The following RNFT2 variants were observed in gnomAD, a reference collection of about 807,000 sequenced individuals.
The protein encoded by RNFT2 is E3 ubiquitin-protein ligase RNFT2.
In RNFT2, 36 loss-of-function variants were observed where a neutral mutation model predicts 53.0. The ratio of observed to expected loss-of-function variants is 0.68; its 90% CI spans 0.52 to 0.90. The LOEUF is 0.90. Among genes scored for constraint, RNFT2 ranks in the 40% least tolerant of loss-of-function variants. The pLI, the probability that RNFT2 is intolerant of heterozygous loss-of-function variation, is 0.00. For missense variants in RNFT2, 514 were observed against 585.6 expected, an observed-to-expected ratio of 0.88 and a Z score of 1.26; for synonymous variants, 260 against 253.2, an observed-to-expected ratio of 1.03 and a Z score of -0.26.
chr12:116,743,238 A>C lies in RNFT2; in HGVS notation c.83+2144A>C, dbSNP rs1238277481. Among the ~76,000 whole-genome samples, 52 of 114,290 alleles carry C rather than the reference A, an allele frequency of 4.5e-4. 5 individuals are homozygous for C. The highest frequency in any genetic ancestry group is 1.6e-3 in the African/African-American group (50 of 31,524). The allele number at this position is 114,290 out of a possible 152,430, so 75.0% of individuals were successfully genotyped here. A position where few individuals can be genotyped will look rare whatever the true frequency, so the allele number is the denominator to read the frequency against. Reference sequence around the variant, plus strand: ...TAAAAAAAAAAAAAAAAAAAAAAAAAAAAAAACCGGTTAAAAAACACTCAT... The same window carrying C: ...TAAAAAAAAAAAAAAAAAAAAAAAACAAAAAACCGGTTAAAAAACACTCAT... On this transcript the variant is annotated intron_variant, in intron 3 of 10. Transcript: ENST00000257575.
intron 10 of RNFT2, among the ~76,000 whole-genome samples, chr12:116,845,626 G>A (rs1445262940): frequency 6.6e-6 from 1 of 152,170 alleles, no homozygotes; most frequent in Non-Finnish European, 1.5e-5. Flanking sequence ...AGTTACTCCA[G>A]GGTGTGAGGA....
chr12:116,777,938 A>G (rs1458881716), intron 6 of RNFT2, among the ~76,000 whole-genome samples: 1 of 152,076 alleles, frequency 6.6e-6, no homozygotes, highest in African/African-American at 2.4e-5. Context: ...TCAGTGCCTT[A>G]TTTATAAACT....
intron 6 of RNFT2, 21 bp from the exon 7 acceptor site, chr12:116,779,174 C>A: frequency 6.2e-7 from 1 of 1,613,756 alleles, no homozygotes; most frequent in Non-Finnish European, 8.5e-7. Flanking sequence ...AACCTTCTGA[C>A]TCTCTCAATC....
At chr12:116,767,019 T>C in intron 6 of RNFT2, 105 bp downstream of exon 6, 1 of 730,928 alleles carries the variant, frequency 1.4e-6, no homozygotes, top group Non-Finnish European at 2.3e-6. Flanking sequence ...CTATGTCATG[T>C]TGTAACTTCC....
chr12:116,826,384 G>A (rs748456401), intron 7 of RNFT2, among the ~76,000 whole-genome samples: 3 of 152,130 alleles, frequency 2.0e-5, no homozygotes, highest in Non-Finnish European at 4.4e-5. Context: ...TCCCCTTCAC[G>A]GTGGCAGGGA....
At chr12:116,792,092 C>G (rs1410946372) in intron 7 of RNFT2, among the ~76,000 whole-genome samples, 1 of 152,144 alleles carries the variant, frequency 6.6e-6, no homozygotes, top group Non-Finnish European at 1.5e-5. Context: ...CTCTGTTGCT[C>G]AAGCTGGAGT....
At chr12:116,799,280 T>C (rs1213126895) in intron 7 of RNFT2, among the ~76,000 whole-genome samples, 1 of 152,204 alleles carries the variant, frequency 6.6e-6, no homozygotes, top group Non-Finnish European at 1.5e-5. Flanking sequence ...TTTCTCTGAC[T>C]TCCTTTTCCC....
chr12:116,792,881 A>G (rs1299923058), intron 7 of RNFT2, among the ~76,000 whole-genome samples: 1 of 151,980 alleles, frequency 6.6e-6, no homozygotes. Context: ...TTAATATTAT[A>G]ATTATTATAT....
intron 5 of RNFT2, among the ~76,000 whole-genome samples, chr12:116,761,960 A>C (rs1156542236): frequency 6.6e-6 from 1 of 151,780 alleles, no homozygotes; most frequent in Non-Finnish European, 1.5e-5. Flanking sequence ...CCAACTACTC[A>C]GAAGGCTGAG....
intron 3 of RNFT2, among the ~76,000 whole-genome samples, chr12:116,745,163 A>C (rs2137065430): frequency 7.1e-6 from 1 of 140,416 alleles, no homozygotes; most frequent in South Asian, 2.3e-4. Flanking sequence ...AGTTTCCTCC[A>C]TTGCACCAGA....
chr12:116,741,791 G>T (rs1283007429), intron 3 of RNFT2, among the ~76,000 whole-genome samples: 1 of 152,130 alleles, frequency 6.6e-6, no homozygotes, highest in African/African-American at 2.4e-5. Context: ...TGGGACTACA[G>T]GCATGTGCCA....
At chr12:116,841,374 G>T (rs1877238937) in intron 10 of RNFT2, among the ~76,000 whole-genome samples, 1 of 152,028 alleles carries the variant, frequency 6.6e-6, no homozygotes, top group Non-Finnish European at 1.5e-5. Flanking sequence ...GATTGCCTGA[G>T]CCCAAGAGGC....
chr12:116,769,943 G>T (rs141964367), intron 6 of RNFT2, among the ~76,000 whole-genome samples: 2,018 of 152,250 alleles, frequency 0.013, 35 homozygotes, highest in African/African-American at 0.044. Context: ...GCTGAGGCAG[G>T]AGAATCATTT....
intron 6 of RNFT2, 70 bp from the exon 7 acceptor site, chr12:116,779,125 G>A: frequency 6.6e-7 from 1 of 1,509,084 alleles, no homozygotes; most frequent in Admixed American, 1.7e-5. Flanking sequence ...GAAGGCTCCT[G>A]AGTGAGTAGA....
At position 116,780,541 on chromosome 12, in the gene RNFT2, ACCAGT is replaced by A. The variant is rs533790798; in HGVS notation, c.882+1195_882+1199del. 2.1e-3 allele frequency among the ~76,000 whole-genome samples: 322 copies of A among 151,836 alleles called. 2 individuals carry two copies. The highest frequency in any genetic ancestry group is 7.5e-3 in the African/African-American group (312 of 41,460). On this transcript the variant is annotated intron_variant, in intron 7 of 10. Transcript: ENST00000257575. The stretch of plus-strand genomic sequence containing the variant: ...GGTTCCTAACAGGCCACAGTCTAGT[ACCAGT>A]CTTCAGCCCCAGGACCCCTGGTTTC...
At position 116,828,622 on chromosome 12, in the gene RNFT2, G is replaced by A. The variant is rs556391856; in HGVS notation, c.883-5170G>A. 3.4e-4 allele frequency among the ~76,000 whole-genome samples: 52 copies of A among 152,166 alleles called. 1 individual carries two copies. In the South Asian group the frequency reaches 0.01, roughly 30 times the overall value. ...CTGGCATTGTGTCTGGTGCATAGTAGGTGTCCAGAAATGGAAGCAAGGATG... is the reference window on the plus strand; with the variant it reads ...CTGGCATTGTGTCTGGTGCATAGTAAGTGTCCAGAAATGGAAGCAAGGATG... On this transcript the variant is annotated intron_variant, in intron 7 of 10. Coordinates refer to ENST00000257575, the MANE Select transcript of RNFT2 (RefSeq NM_001382266.1).
At position 116,773,605 on chromosome 12, in the gene RNFT2, C is replaced by T. The variant is rs969321725; in HGVS notation, c.729-5590C>T. Among the ~76,000 whole-genome samples the T allele has an allele frequency of 5.3e-5, 8 of 152,278 alleles. No homozygotes were observed. The South Asian group carries it at 1.7e-3, about 32-fold the overall frequency. ...GCAGAGTCCAGTGGGGATGTGGATG[C>T]TTTCCCTGAGGATGGCAGTGGTGAG... On this transcript the variant is annotated intron_variant, in intron 6 of 10. Transcript: ENST00000257575.
chr12:116,852,397 C>T lies in RNFT2; in HGVS notation c.*2949C>T. The T allele has an allele frequency of 3.1e-6, 4 of 1,310,590 alleles. No homozygotes were observed. The highest frequency in any genetic ancestry group is 3.9e-6 in the Non-Finnish European group (4 of 1,021,626). The allele number at this position is 1,310,590 out of a possible 1,614,324, so 81.2% of individuals were successfully genotyped here. ...AGGACTTTCCCCTTGGCTTGGCATC[C>T]CTGGCTCTCTCCTGGTACCCAGCAA... On this transcript the variant is annotated 3_prime_UTR_variant, in exon 11 of 11. Coordinates refer to ENST00000257575, the MANE Select transcript of RNFT2 (RefSeq NM_001382266.1).
chr12:116,849,509 G>A lies in RNFT2; in HGVS notation c.*61G>A. ...GGTCAGCATGCCCGGACCCAGCCCT[G>A]CGGGGGCTTCCTGAGAAACAGGCCT... On this transcript the variant is annotated 3_prime_UTR_variant, in exon 11 of 11. Coordinates refer to ENST00000257575, the MANE Select transcript of RNFT2 (RefSeq NM_001382266.1). 6.6e-7 allele frequency: 1 copy of A among 1,509,530 alleles called. No homozygotes were observed. The highest frequency in any genetic ancestry group is 8.9e-7 in the Non-Finnish European group (1 of 1,126,412). The allele number at this position is 1,509,530 out of a possible 1,614,324, so 93.5% of individuals were successfully genotyped here. A position where few individuals can be genotyped will look rare whatever the true frequency, so the allele number is the denominator to read the frequency against.
Sources: allele counts gnomAD v4.1 joint callset (sites outside exome capture counted in the v4.1 genomes callset), GRCh38; gene constraint gnomAD v4.1.1; transcripts MANE v1.5; gene names NCBI Gene and HGNC (gene_info 2026-07-23, HGNC 2026-07-21).